Variants in DTX4 observed in about 807,000 individuals in gnomAD.
The protein encoded by DTX4 is E3 ubiquitin-protein ligase DTX4.
Under a neutral mutation model 57.6 loss-of-function variants are expected in DTX4, and 28 were observed. The observed-to-expected ratio is 0.49, with a 90% CI of 0.36 to 0.67. The LOEUF (loss-of-function observed/expected upper bound fraction) is 0.67. DTX4 is among the 30% of genes least tolerant of loss of function. The pLI is 0.00. For synonymous variants in DTX4, 316 were observed against 331.0 expected (o/e 0.95, Z 0.49); for missense variants, 715 against 836.8 (o/e 0.85, Z 1.80).
intron 7 of DTX4, 44 bp from the exon 8 acceptor site, chr11:59,199,640 A>G (rs765914079): frequency 2.1e-6 from 3 of 1,446,362 alleles, no homozygotes; most frequent in Non-Finnish European, 2.9e-6. Context: ...CTTATCAGAA[A>G]TATTTTGAAA....
Position 59,172,498 on chromosome 11 carries a change from G to A in DTX4, c.-98G>A. ...GGCGGGGCGCGGGGCAGGGGGCGCG[G>A]TCGAGGCCCGGAGGCGGCGGCGCAG... On this transcript the variant is annotated 5_prime_UTR_variant, in exon 1 of 9. Transcript: ENST00000227451. 1.4e-6 allele frequency: 1 copy of A among 738,486 alleles called. No homozygotes were observed. The highest frequency in any genetic ancestry group is 1.8e-6 in the Non-Finnish European group (1 of 562,306). 45.7% of individuals were successfully genotyped at this position (738,486 alleles called of 1,614,324 possible).
chr11:59,199,809 A>C (rs1259420944), intron 8 of DTX4, 36 bp downstream of exon 8: 2 of 1,530,592 alleles, frequency 1.3e-6, no homozygotes, highest in Admixed American at 2.0e-5. Flanking sequence ...ACTAGGTTTT[A>C]GAATAGATCG....
chr11:59,202,190 C>T (rs1264085360), intron 8 of DTX4, among the ~76,000 whole-genome samples: 1 of 152,210 alleles, frequency 6.6e-6, no homozygotes, highest in Admixed American at 6.5e-5. Flanking sequence ...CTCCTCACAC[C>T]AATTTCTCAT....
In DTX4 at chr11:59,188,760, C is replaced by T; in HGVS notation, c.961C>T (p.Leu321=). Residue 321 remains leucine, a synonymous_variant, in exon 3 of 9, where the codon CTA becomes TTA. Coordinates refer to ENST00000227451, the MANE Select transcript of DTX4 (RefSeq NM_015177.2). The stretch of plus-strand genomic sequence containing the variant: ...GGTCCCCACAGTCCCAGTGAAGAAC[C>T]TAAATGGGTCCAGTCCTGTCAACCC... The part of the protein sequence containing the change: ...SGVPTVPVKN[L]NGSSPVNPAL... 6.2e-7 allele frequency: 1 copy of T among 1,614,030 alleles called. No individual in the cohort carries two copies. The highest frequency in any genetic ancestry group is 8.5e-7 in the Non-Finnish European group (1 of 1,179,876).
At position 59,182,337 on chromosome 11, in the gene DTX4, C is replaced by A. The variant is rs764132824; in HGVS notation, c.810C>A (p.Thr270=). The A allele has an allele frequency of 6.2e-7, 1 of 1,613,152 alleles. No homozygotes were observed. The highest frequency in any genetic ancestry group is 1.3e-5 in the African/African-American group (1 of 75,042). The part of the protein sequence containing the change: ...RQASSMPTGT[T]MGSPASPPGP... The stretch of plus-strand genomic sequence containing the variant: ...CCTCCAGCATGCCCACTGGGACAAC[C>A]ATGGGCTCTCCTGCCAGTCCCCCAG... Residue 270 remains threonine, a synonymous_variant, in exon 2 of 9, where the codon ACC becomes ACA. Transcript: ENST00000227451.
chr11:59,193,513 C>T (rs1310794889), intron 6 of DTX4, among the ~76,000 whole-genome samples: 2 of 152,068 alleles, frequency 1.3e-5, no homozygotes, highest in African/African-American at 4.8e-5. Flanking sequence ...TGGGATCTTG[C>T]ATTTCAAGAA....
At chr11:59,199,842 G>C (rs1862720324) in intron 8 of DTX4, 69 bp downstream of exon 8, 1 of 1,364,106 alleles carries the variant, frequency 7.3e-7, no homozygotes, top group African/African-American at 1.5e-5. Flanking sequence ...CTATGTCAAG[G>C]CCTAAAGTTT....
At chr11:59,188,946 G>GTTGGGAAGGGTATGAAGAA in intron 3 of DTX4, 150 bp downstream of exon 3, 1 of 940,306 alleles carries the variant, frequency 1.1e-6, no homozygotes, top group Non-Finnish European at 1.6e-6. Context: ...GGTATGAAGA[G>GTTGGGAAGGGTATGAAGAA]TTTGGAAGAG....
chr11:59,181,803 G>T lies in DTX4; in HGVS notation c.276G>T (p.Val92=). Residue 92 remains valine (V), a synonymous_variant, in exon 2 of 9, where the codon GTG becomes GTT. Transcript: ENST00000227451. ...DPSSAPGKGV[V]WEWENDNGSW... ...CCTCGGCCCCTGGGAAGGGCGTGGTGTGGGAGTGGGAGAACGACAATGGCT... is the reference window on the plus strand; with the variant it reads ...CCTCGGCCCCTGGGAAGGGCGTGGTTTGGGAGTGGGAGAACGACAATGGCT... 6.2e-7 allele frequency: 1 copy of T among 1,614,034 alleles called. No individual in the cohort carries two copies. The highest frequency in any genetic ancestry group is 1.1e-5 in the South Asian group (1 of 91,090).
At chr11:59,187,126 C>T (rs186270407) in intron 2 of DTX4, among the ~76,000 whole-genome samples, 3 of 152,340 alleles carry the variant, frequency 2.0e-5, no homozygotes, top group East Asian at 1.9e-4. Context: ...CAGCTTTCCC[C>T]ATTCCTAGTG....
intron 6 of DTX4, among the ~76,000 whole-genome samples, chr11:59,193,834 G>A (rs145895827): frequency 1.4e-4 from 21 of 152,336 alleles, no homozygotes; most frequent in African/African-American, 5.1e-4. Context: ...ATTGCTTTAA[G>A]CGAGTAGACT....
chr11:59,187,408 G>T (rs1590983891), intron 2 of DTX4, among the ~76,000 whole-genome samples: 1 of 152,220 alleles, frequency 6.6e-6, no homozygotes, highest in African/African-American at 2.4e-5. Context: ...CCACTGTTGG[G>T]GGGAGGTGAG....
rs561855788 is a variant in DTX4, at chr11:59,206,364, T to C, written c.*1455T>C. The stretch of plus-strand genomic sequence containing the variant: ...CCTTTGGCTCCCAGTAAGGAACGAA[T>C]TGGGGGCCAGGGAGGAGAACAGGGG... On this transcript the variant is annotated 3_prime_UTR_variant, in exon 9 of 9. Coordinates refer to ENST00000227451, the MANE Select transcript of DTX4 (RefSeq NM_015177.2). The C allele has an allele frequency of 3.3e-5, 5 of 152,562 alleles. No individual in the cohort carries two copies. Among genetic ancestry groups the C allele is most frequent in the East Asian group, 3.9e-4 (2 of 5,192 alleles). The allele number at this position is 152,562 out of a possible 1,614,324, so 9.5% of individuals were successfully genotyped here.
intron 6 of DTX4, among the ~76,000 whole-genome samples, chr11:59,194,016 C>T (rs1202716377): frequency 6.6e-6 from 1 of 152,148 alleles, no homozygotes; most frequent in South Asian, 2.1e-4. Flanking sequence ...GAATAGGATT[C>T]GGTGTCCAGG....
chr11:59,195,305 C>A lies in DTX4; in HGVS notation c.1472C>A (p.Ser491Tyr), dbSNP rs1862650597. 1.2e-6 allele frequency: 2 copies of A among 1,613,998 alleles called. No homozygotes were observed. Among genetic ancestry groups the A allele is most frequent in the Admixed American group, 1.7e-5 (1 of 60,028 alleles). Residue 491 changes from serine (S) to tyrosine (Y), a missense_variant, in exon 7 of 9, where the codon TCC (serine) becomes TAC (tyrosine). By Grantham distance (144) the Ser-to-Tyr change is moderately radical. Transcript: ENST00000227451. ...ATGGAGTACCACCTCATCCCCCACT[C>A]CTTGCCTGGCCACCCAGACTGCAAA... ...GKMEYHLIPH[S>Y]LPGHPDCKTI...
At chr11:59,200,533 C>T (rs1231909999) in intron 8 of DTX4, among the ~76,000 whole-genome samples, 1 of 152,180 alleles carries the variant, frequency 6.6e-6, no homozygotes, top group African/African-American at 2.4e-5. Flanking sequence ...GCTGATCTGA[C>T]AACACATTGA....
At chr11:59,201,635 G>T (rs867086806) in intron 8 of DTX4, among the ~76,000 whole-genome samples, 4 of 152,196 alleles carry the variant, frequency 2.6e-5, no homozygotes, top group African/African-American at 9.7e-5. Context: ...TGGCAGGCAG[G>T]TATTTTGGAA....
At chr11:59,184,624 A>G (rs561322273) in intron 2 of DTX4, among the ~76,000 whole-genome samples, 1 of 152,212 alleles carries the variant, frequency 6.6e-6, no homozygotes, top group South Asian at 2.1e-4. Context: ...AGAGGCACCC[A>G]GGTGGCTTTG....
At position 59,172,684 on chromosome 11, in the gene DTX4, TCGAGGCGGTGGTCCGCGCCGGCCCCCG is replaced by T; in HGVS notation, c.92_118del (p.Glu31_Arg39del). ...TACAGCCCAGCGGTGAGCCACCACA[TCGAGGCGGTGGTCCGCGCCGGCCCCCG>T]CGCGGGGGGCAGCGTGGTGCTGGGC... On this transcript the variant is annotated inframe_deletion, in exon 1 of 9. Coordinates refer to ENST00000227451, the MANE Select transcript of DTX4 (RefSeq NM_015177.2). 6.2e-7 allele frequency: 1 copy of T among 1,600,540 alleles called. No individual in the cohort carries two copies. Among genetic ancestry groups the T allele is most frequent in the Non-Finnish European group, 8.5e-7 (1 of 1,176,334 alleles).
Sources: gnomAD v4.1 joint callset for allele counts (sites outside exome capture counted in the v4.1 genomes callset) on GRCh38, gnomAD v4.1.1 for gene constraint, MANE v1.5 for transcripts, NCBI Gene and HGNC (gene_info 2026-07-23, HGNC 2026-07-21) for gene names.